Variants in SH3PXD2B observed in about 807,000 individuals in gnomAD.
SH3PXD2B encodes SH3 and PX domains 2B.
SH3PXD2B carries 37 observed loss-of-function variants against 73.1 expected under a neutral mutation model. The ratio of observed to expected loss-of-function variants is 0.51; its 90% confidence interval spans 0.39 to 0.67. The LOEUF is 0.67. Among genes scored for constraint, SH3PXD2B ranks in the 30% least tolerant of loss-of-function variants. The pLI, the probability that SH3PXD2B is intolerant of heterozygous loss-of-function variation, is 0.00. For synonymous variants in SH3PXD2B, 457 were observed against 480.5 expected (o/e 0.95, Z 0.64); for missense variants, 1,053 against 1,197.8 (o/e 0.88, Z 1.78).
In SH3PXD2B at chr5:172,406,391, T is replaced by C. The variant is rs200090008; in HGVS notation, c.157-39A>G. The C allele has an allele frequency of 3.0e-5, 48 of 1,594,420 alleles. No homozygotes were observed. The Admixed American group carries it at 4.3e-4, about 14-fold the overall frequency. Reference sequence around the variant, plus strand: ...GAATACCAAAAACAAAAACCTTTCATAATGCACTAAACATCATCTAGGACA... The same window carrying C: ...GAATACCAAAAACAAAAACCTTTCACAATGCACTAAACATCATCTAGGACA... On this transcript the variant is annotated intron_variant, in intron 2 of 12. Transcript: ENST00000311601.
At chr5:172,417,033 G>A (rs926443034) in intron 2 of SH3PXD2B, among the ~76,000 whole-genome samples, 3 of 152,062 alleles carry the variant, frequency 2.0e-5, no homozygotes, top group African/African-American at 7.2e-5. Context: ...TTCCCACAAG[G>A]GAGCCTGGGT....
chr5:172,336,845 TCA>T lies in SH3PXD2B; in HGVS notation c.*1522_*1523del. On this transcript the variant is annotated 3_prime_UTR_variant, in exon 13 of 13. Transcript: ENST00000311601. ...TGATTTAGTCATGCCTCTCCAGACC[TCA>T]GTTTGACAGATGACCACATCTGCCC... 1.0e-6 allele frequency: 1 copy of T among 985,414 alleles called. No homozygotes were observed. The highest frequency in any genetic ancestry group is 1.2e-6 in the Non-Finnish European group (1 of 829,954). 61.0% of individuals were successfully genotyped at this position (985,414 alleles called of 1,614,324 possible).
At chr5:172,379,267 C>T (rs1251603366) in intron 5 of SH3PXD2B, among the ~76,000 whole-genome samples, 1 of 143,994 alleles carries the variant, frequency 6.9e-6, no homozygotes, top group East Asian at 2.0e-4. Context: ...CCAGGAGTTT[C>T]AGACCAGCCT....
At chr5:172,390,922 A>G (rs1298583837) in intron 4 of SH3PXD2B, among the ~76,000 whole-genome samples, 1 of 147,828 alleles carries the variant, frequency 6.8e-6, no homozygotes, top group East Asian at 2.1e-4. Context: ...GCTCACCGCA[A>G]TCTCCACTTC....
At chr5:172,443,284 C>T (rs1759588750) in intron 1 of SH3PXD2B, among the ~76,000 whole-genome samples, 2 of 152,176 alleles carry the variant, frequency 1.3e-5, no homozygotes, top group African/African-American at 4.8e-5. Flanking sequence ...TGTATTACTA[C>T]TATCACCGCG....
chr5:172,421,357 T>A lies in SH3PXD2B; in HGVS notation c.156+1059A>T, dbSNP rs1758959138. Among the ~76,000 whole-genome samples, 2 of 152,256 alleles carry A rather than the reference T, an allele frequency of 1.3e-5. No homozygotes were observed. The highest frequency in any genetic ancestry group is 4.1e-4 in the South Asian group (2 of 4,832). On this transcript the variant is annotated intron_variant, in intron 2 of 12. Coordinates refer to ENST00000311601, the MANE Select transcript of SH3PXD2B (RefSeq NM_001017995.3). This position sits in a 1 kb window ranked among gnomAD's most constrained non-coding sequence, Gnocchi z 4.0. ...TATACCGAGCTGTTCACATTCTGCC[T>A]GGCTCCCTATAAGACTGGTAGTATA... is the stretch of plus-strand genomic sequence containing the variant.
Position 172,350,535 on chromosome 5 carries a change from C to A in SH3PXD2B, c.840G>T (p.Gly280=). 1.2e-6 allele frequency: 2 copies of A among 1,613,902 alleles called. No homozygotes were observed. The highest frequency in any genetic ancestry group is 1.7e-6 in the Non-Finnish European group (2 of 1,179,934). Residue 280 remains glycine, a synonymous_variant, in exon 10 of 13, where the codon GGG becomes GGT. Coordinates refer to ENST00000311601, the MANE Select transcript of SH3PXD2B (RefSeq NM_001017995.3). ...APASYLKKNS[G]EPLPPKPGPG... is the part of the protein sequence containing the mutation. The stretch of plus-strand genomic sequence containing the variant: ...GGCCTGGCTTCGGGGGCAAGGGCTC[C>A]CCACTGTTCTTCTTTAGGTAGGAGG...
chr5:172,454,249 A>AG, intron 1 of SH3PXD2B, 29 bp downstream of exon 1: 1 of 1,579,064 alleles, frequency 6.3e-7, no homozygotes. Flanking sequence ...CGCGGGCTCA[A>AG]GGGGGCGTGG....
intron 4 of SH3PXD2B, among the ~76,000 whole-genome samples, chr5:172,389,568 C>CAAAA (rs34351709): frequency 0.026 from 2,704 of 102,990 alleles, 71 homozygotes; most frequent in East Asian, 0.076. Flanking sequence ...TCATCTCTAC[C>CAAAA]AAAAAAAAAA....
At position 172,422,453 on chromosome 5, in the gene SH3PXD2B, G is replaced by A. The variant is rs1469770083; in HGVS notation, c.119C>T (p.Ala40Val). ...RVTWSSGSTE[A>V]IYRRYSKFFD... The stretch of plus-strand genomic sequence containing the variant: ...AAACTTGCTGTAGCGCCGGTAAATG[G>A]CCTCGGTGGAGCCGCTGGACCACGT... The change falls in exon 2 of 13, where the codon GCC becomes GTC. Residue 40 changes from alanine to valine, a missense_variant. Ala to Val is a moderately conservative substitution (Grantham distance 64). Transcript: ENST00000311601. 3.7e-6 allele frequency: 6 copies of A among 1,612,554 alleles called. No individual in the cohort carries two copies. In the Admixed American group the frequency reaches 8.3e-5, roughly 22 times the overall value.
intron 1 of SH3PXD2B, among the ~76,000 whole-genome samples, chr5:172,423,976 G>C (rs544285664): frequency 6.6e-6 from 1 of 152,148 alleles, no homozygotes; most frequent in Non-Finnish European, 1.5e-5. Context: ...TCTGGAGAAA[G>C]CCAAGCTCTT....
chr5:172,416,077 C>T lies in SH3PXD2B; in HGVS notation c.156+6339G>A, dbSNP rs541853853. On this transcript the variant is annotated intron_variant, in intron 2 of 12. Transcript: ENST00000311601. ...GCGCGGTGGCTCAGGCCTGTAATCCCAGCACTTTGGGAGGCCGAGGTGGGT... is the reference window on the plus strand; with the variant it reads ...GCGCGGTGGCTCAGGCCTGTAATCCTAGCACTTTGGGAGGCCGAGGTGGGT... Among the ~76,000 whole-genome samples, 3 of 152,314 alleles carry T rather than the reference C, an allele frequency of 2.0e-5. No homozygotes were observed. The South Asian group carries it at 6.2e-4, about 32-fold the overall frequency.
downstream of SH3PXD2B, among the ~76,000 whole-genome samples, chr5:172,329,722 A>T (rs530506967): frequency 2.2e-3 from 334 of 151,940 alleles, 3 homozygotes; most frequent in African/African-American, 7.7e-3. Flanking sequence ...TATTTTTAGT[A>T]GAGACAGGGT....
At chr5:172,446,866 A>G (rs2113516889) in intron 1 of SH3PXD2B, among the ~76,000 whole-genome samples, 1 of 152,352 alleles carries the variant, frequency 6.6e-6, no homozygotes, top group East Asian at 1.9e-4. Context: ...TAACTAGGAA[A>G]GCATCTGCCC....
Position 172,350,588 on chromosome 5 carries a change from A to G in SH3PXD2B, c.787T>C (p.Tyr263His). 10 of 1,604,158 alleles carry G rather than the reference A, an allele frequency of 6.2e-6. No homozygotes were observed. The highest frequency in any genetic ancestry group is 8.5e-6 in the Non-Finnish European group (10 of 1,175,302). The change falls in exon 10 of 13, where the codon TAC becomes CAC. Residue 263 changes from tyrosine (Y) to histidine (H), a missense_variant and splice_region_variant. Physicochemically the swap from Tyr to His is moderately conservative, Grantham distance 83. This residue lies in a region of SH3PXD2B where 466 missense variants were observed against 607.1 expected (regional missense o/e 0.77). Coordinates refer to ENST00000311601, the MANE Select transcript of SH3PXD2B (RefSeq NM_001017995.3). ...KNLEGWWKIR[Y>H]QGKEGWAPAS... is the part of the protein sequence containing the mutation. ...GGGGCCCAGCCTTCTTTGCCCTGGT[A>G]CCTGTGAAGAGGAGGAAGGATGCTG...
chr5:172,433,009 C>T (rs776502106), intron 1 of SH3PXD2B, among the ~76,000 whole-genome samples: 1 of 152,000 alleles, frequency 6.6e-6, no homozygotes, highest in Non-Finnish European at 1.5e-5. Context: ...CACAGTTACG[C>T]ACCACCTAAC....
intron 2 of SH3PXD2B, among the ~76,000 whole-genome samples, chr5:172,419,526 A>G (rs2113458870): frequency 6.6e-6 from 1 of 152,250 alleles, no homozygotes; most frequent in South Asian, 2.1e-4. Context: ...GAAGGTGCTC[A>G]CTGGGGGTTG....
chr5:172,325,430 C>T (rs1005029331), intron 12 of SH3PXD2B: 9 of 1,302,032 alleles, frequency 6.9e-6, no homozygotes, highest in African/African-American at 5.9e-5. Context: ...CCTTTCCAAA[C>T]GAAAGACTAA....
At chr5:172,380,234 T>A (rs557869595) in intron 5 of SH3PXD2B, among the ~76,000 whole-genome samples, 1 of 149,392 alleles carries the variant, frequency 6.7e-6, no homozygotes, top group African/African-American at 2.5e-5. Context: ...ATTTTTTTTT[T>A]ATTTTTAGTA....
Sources: allele counts gnomAD v4.1 joint callset (sites outside exome capture counted in the v4.1 genomes callset), GRCh38; gene constraint gnomAD v4.1.1; regional missense constraint gnomAD v4.1.1; non-coding constraint Gnocchi (gnomAD v3.1); transcripts MANE v1.5; gene names NCBI Gene and HGNC (gene_info 2026-07-23, HGNC 2026-07-21).